Variants in KCNIP4 observed in about 807,000 individuals in gnomAD.
KCNIP4 encodes the protein potassium voltage-gated channel interacting protein 4.
KCNIP4 carries 12 observed loss-of-function variants against 34.0 expected under a neutral mutation model. The observed-to-expected ratio is 0.35, with a 90% CI of 0.23 to 0.57. The LOEUF (loss-of-function observed/expected upper bound fraction) is 0.57, where lower values mean the gene tolerates loss of function less well. KCNIP4 is among the 20% of genes least tolerant of loss of function. KCNIP4 has a pLI of 0.83. For synonymous variants in KCNIP4, 124 were observed against 102.2 expected, an observed-to-expected ratio of 1.21 and a Z score of -1.29; for missense variants, 238 against 311.7, an observed-to-expected ratio of 0.76 and a Z score of 1.78.
chr4:20,886,383 G>T (rs62295426), intron 1 of KCNIP4, among the ~76,000 whole-genome samples: 2 of 152,126 alleles, frequency 1.3e-5, no homozygotes, highest in African/African-American at 4.8e-5. Flanking sequence ...GAAGTGGCTG[G>T]AATTTGTAGG....
Position 20,968,067 on chromosome 4 carries a change from C to A in KCNIP4, c.62-85358G>T, listed in dbSNP as rs1734550040. 2.0e-5 allele frequency among the ~76,000 whole-genome samples: 3 copies of A among 151,986 alleles called. No homozygotes were observed. The South Asian group carries it at 6.2e-4, about 32-fold the overall frequency. ...GCTAATATCCAGAATCTAGAAAGAA[C>A]TTAAAAAAATTTACAAGAAAAAAAC... On this transcript the variant is annotated intron_variant, in intron 1 of 8. Transcript: ENST00000382152.
intron 3 of KCNIP4, among the ~76,000 whole-genome samples, chr4:20,807,808 A>C (rs1042391145): frequency 2.6e-5 from 4 of 152,138 alleles, no homozygotes; most frequent in African/African-American, 9.7e-5. Context: ...GAGAGGCACA[A>C]CAATTCTTGG....
At chr4:21,033,516 G>A (rs1011386330) in intron 1 of KCNIP4, among the ~76,000 whole-genome samples, 6 of 152,118 alleles carry the variant, frequency 3.9e-5, no homozygotes, top group Admixed American at 2.6e-4. Context: ...CATACTCTTC[G>A]TGTTATGTCC....
At chr4:21,902,326 T>C (rs933768538) in intron 1 of KCNIP4, among the ~76,000 whole-genome samples, 6 of 152,160 alleles carry the variant, frequency 3.9e-5, no homozygotes, top group Non-Finnish European at 8.8e-5. Flanking sequence ...CCTGGATATA[T>C]AGAAGTGAAT....
chr4:20,932,926 A>C (rs1429139869), intron 1 of KCNIP4, among the ~76,000 whole-genome samples: 1 of 152,120 alleles, frequency 6.6e-6, no homozygotes, highest in Non-Finnish European at 1.5e-5. Context: ...TCATAGCTTA[A>C]GTATTGGAAC....
At chr4:21,895,434 AAG>A (rs1476403523) in intron 1 of KCNIP4, among the ~76,000 whole-genome samples, 1 of 152,146 alleles carries the variant, frequency 6.6e-6, no homozygotes, top group Non-Finnish European at 1.5e-5. Context: ...ATGAGATACT[AAG>A]AGTTACGCTA....
At chr4:21,272,749 T>C (rs1313885360) in intron 1 of KCNIP4, among the ~76,000 whole-genome samples, 1 of 152,024 alleles carries the variant, frequency 6.6e-6, no homozygotes, top group Non-Finnish European at 1.5e-5. Flanking sequence ...GCTATTATTT[T>C]GCTTGGTGAC....
chr4:21,614,226 TA>T (rs1369402519), intron 1 of KCNIP4, among the ~76,000 whole-genome samples: 1 of 151,644 alleles, frequency 6.6e-6, no homozygotes, highest in African/African-American at 2.4e-5. Flanking sequence ...CTGAAAAGAT[TA>T]TTAGAGAGTG....
chr4:21,658,218 T>C (rs1748132156), intron 1 of KCNIP4, among the ~76,000 whole-genome samples: 1 of 152,208 alleles, frequency 6.6e-6, no homozygotes, highest in Non-Finnish European at 1.5e-5. Context: ...AGATAAACTT[T>C]CTAGAAGCAG....
intron 1 of KCNIP4, among the ~76,000 whole-genome samples, chr4:21,304,262 G>C (rs1365794156): frequency 1.3e-5 from 2 of 152,230 alleles, no homozygotes; most frequent in African/African-American, 4.8e-5. Flanking sequence ...GGGCCTGTCG[G>C]AATTATCGGC....
At position 21,945,036 on chromosome 4, in the gene KCNIP4, C is replaced by T. The variant is rs1019851982; in HGVS notation, c.61+3535G>A. Reference sequence around the variant, plus strand: ...TTGAAATAGTCGCTAAGAAGAGAGGCTATTAAGTAAAAAAACACATTCTGT... The same window carrying T: ...TTGAAATAGTCGCTAAGAAGAGAGGTTATTAAGTAAAAAAACACATTCTGT... On this transcript the variant is annotated intron_variant, in intron 1 of 8. Transcript: ENST00000382152. Among the ~76,000 whole-genome samples the T allele has an allele frequency of 4.0e-5, 6 of 151,874 alleles. No individual in the cohort carries two copies. The East Asian group carries it at 5.8e-4, about 15-fold the overall frequency.
At chr4:20,836,537 T>C (rs1719055307) in intron 3 of KCNIP4, among the ~76,000 whole-genome samples, 1 of 152,102 alleles carries the variant, frequency 6.6e-6, no homozygotes, top group Non-Finnish European at 1.5e-5. Flanking sequence ...CCAAAATCTG[T>C]AGGGCAGGTG....
chr4:21,527,748 CGAAAAG>C (rs1736095477), intron 1 of KCNIP4, among the ~76,000 whole-genome samples: 2 of 151,986 alleles, frequency 1.3e-5, no homozygotes, highest in African/African-American at 4.8e-5. Context: ...TGTATAATCA[CGAAAAG>C]GAAAAGTAGG....
At chr4:21,500,407 T>C (rs1733216767) in intron 1 of KCNIP4, among the ~76,000 whole-genome samples, 1 of 152,110 alleles carries the variant, frequency 6.6e-6, no homozygotes, top group African/African-American at 2.4e-5. Context: ...TTTAGCAACT[T>C]CATCATAAAA....
At chr4:21,687,732 C>T (rs542032084) in intron 1 of KCNIP4, among the ~76,000 whole-genome samples, 32 of 152,070 alleles carry the variant, frequency 2.1e-4, no homozygotes, top group African/African-American at 7.7e-4. Flanking sequence ...GTTTTGGTGA[C>T]CCTCTCTGTA....
At chr4:21,199,410 G>T (rs1434153688) in intron 1 of KCNIP4, among the ~76,000 whole-genome samples, 1 of 152,090 alleles carries the variant, frequency 6.6e-6, no homozygotes, top group African/African-American at 2.4e-5. Context: ...CTTTTTGATG[G>T]GGTTGTTTGA....
intron 2 of KCNIP4, among the ~76,000 whole-genome samples, chr4:20,873,092 C>G (rs1006738953): frequency 3.0e-4 from 46 of 152,258 alleles, no homozygotes; most frequent in African/African-American, 1.1e-3. Context: ...CACAATTCCA[C>G]CATGTGTTTC....
At chr4:20,900,742 A>G (rs759258045) in intron 1 of KCNIP4, among the ~76,000 whole-genome samples, 5 of 152,162 alleles carry the variant, frequency 3.3e-5, no homozygotes, top group Non-Finnish European at 7.4e-5. Flanking sequence ...GAAGGAGCCC[A>G]GCACTGTCAA....
chr4:21,516,033 T>TAG lies in KCNIP4; in HGVS notation c.61+432536_61+432537dup, dbSNP rs145330455. On this transcript the variant is annotated intron_variant, in intron 1 of 8. Coordinates refer to ENST00000382152, the MANE Select transcript of KCNIP4 (RefSeq NM_025221.6). ...CTTGCAGACCAGCTGCAAAGAGTAG[T>TAG]AGCTCAATTGATTATTGTTCAATGA... 6.0e-3 allele frequency among the ~76,000 whole-genome samples: 914 copies of TAG among 152,322 alleles called. 12 individuals are homozygous for TAG. The highest frequency in any genetic ancestry group is 0.021 in the African/African-American group (875 of 41,574).
Sources: allele counts gnomAD v4.1 joint callset (sites outside exome capture counted in the v4.1 genomes callset), GRCh38; gene constraint gnomAD v4.1.1; transcripts MANE v1.5; gene names NCBI Gene and HGNC (gene_info 2026-07-23, HGNC 2026-07-21).